Variants in HPSE2 observed in about 807,000 individuals in gnomAD.
The protein encoded by HPSE2 is inactive heparanase-2.
In HPSE2, 38 loss-of-function variants were observed where a neutral mutation model predicts 60.5. The ratio of observed to expected loss-of-function variants is 0.63; its 90% CI spans 0.48 to 0.82. The LOEUF is 0.82. Ranked by LOEUF, HPSE2 falls within the 40% of genes least tolerant of loss-of-function variation. The pLI, the probability that HPSE2 is intolerant of heterozygous loss-of-function variation, is 0.00. For missense variants in HPSE2, 713 were observed against 740.4 expected, an observed-to-expected ratio of 0.96 and a Z score of 0.43; for synonymous variants, 295 against 293.2, an observed-to-expected ratio of 1.01 and a Z score of -0.06.
intron 3 of HPSE2, among the ~76,000 whole-genome samples, chr10:99,078,065 C>A (rs572738760): frequency 6.6e-6 from 1 of 152,176 alleles, no homozygotes; most frequent in Non-Finnish European, 1.5e-5. Flanking sequence ...GCTCCCCTAT[C>A]ACCTTCCACC....
chr10:98,482,553 G>T (rs550499424), intron 11 of HPSE2, 83 bp downstream of exon 11: 2 of 1,548,750 alleles, frequency 1.3e-6, no homozygotes, highest in East Asian at 4.5e-5. Context: ...GAGAGAATTA[G>T]CAGCAACCTT....
intron 3 of HPSE2, among the ~76,000 whole-genome samples, chr10:98,747,236 A>G (rs1949651419): frequency 6.6e-6 from 1 of 152,188 alleles, no homozygotes; most frequent in East Asian, 1.9e-4. Context: ...TAAGCATGCA[A>G]TAAAATTACT....
At chr10:98,955,377 T>C (rs11189906) in intron 3 of HPSE2, among the ~76,000 whole-genome samples, 73,050 of 151,956 alleles carry the variant, frequency 0.48, 19,651 homozygotes, top group East Asian at 0.62. Context: ...TCAGTGATCA[T>C]TAGAGAAATG....
intron 3 of HPSE2, among the ~76,000 whole-genome samples, chr10:98,957,879 C>T (rs1044824324): frequency 6.6e-6 from 1 of 152,140 alleles, no homozygotes; most frequent in Admixed American, 6.6e-5. Context: ...CCAGAAAAGG[C>T]TCTCTTAACC....
intron 7 of HPSE2, among the ~76,000 whole-genome samples, chr10:98,621,835 C>T (rs574296213): frequency 3.9e-5 from 6 of 152,352 alleles, no homozygotes; most frequent in Middle Eastern, 3.4e-3. Context: ...TGAGGTACTA[C>T]GTAGTACACT....
intron 4 of HPSE2, among the ~76,000 whole-genome samples, chr10:98,723,283 T>G (rs1033818711): frequency 2.6e-5 from 4 of 152,222 alleles, no homozygotes; most frequent in African/African-American, 7.2e-5. Flanking sequence ...TTTTTGTATG[T>G]TGAACCAGCG....
intron 3 of HPSE2, among the ~76,000 whole-genome samples, chr10:98,919,586 T>C (rs1954222598): frequency 6.6e-6 from 1 of 152,148 alleles, no homozygotes; most frequent in African/African-American, 2.4e-5. Flanking sequence ...ACATTTTAAA[T>C]ATATTCAAGA....
Position 98,546,504 on chromosome 10 carries a change from C to T in HPSE2, c.1321-56308G>A, listed in dbSNP as rs1313995215. Among the ~76,000 whole-genome samples the T allele has an allele frequency of 5.7e-3, 857 of 150,588 alleles. 4 individuals are homozygous for T. The highest frequency in any genetic ancestry group is 0.02 in the African/African-American group (810 of 40,464). ...GAGCCCTCAGAAATAACGCCGCATA[C>T]CTACAACTATCTGATCTTTGACAAA... On this transcript the variant is annotated intron_variant, in intron 9 of 11. Transcript: ENST00000370552.
intron 11 of HPSE2, among the ~76,000 whole-genome samples, chr10:98,476,635 C>G (rs2133625568): frequency 6.6e-6 from 1 of 151,918 alleles, no homozygotes; most frequent in South Asian, 2.1e-4. Flanking sequence ...ACTAAAAATA[C>G]TAAAACTAGC....
chr10:99,158,079 C>T (rs1048387420), intron 2 of HPSE2, among the ~76,000 whole-genome samples: 5 of 139,500 alleles, frequency 3.6e-5, no homozygotes, highest in African/African-American at 1.3e-4. Context: ...GTTAGAATGG[C>T]AATCATTAAA....
At chr10:99,024,431 G>A (rs573579616) in intron 3 of HPSE2, among the ~76,000 whole-genome samples, 29 of 152,134 alleles carry the variant, frequency 1.9e-4, no homozygotes, top group African/African-American at 6.7e-4. Flanking sequence ...ATAAAATATA[G>A]CCTCAAAAGG....
intron 2 of HPSE2, among the ~76,000 whole-genome samples, chr10:99,147,162 A>G (rs1375310671): frequency 6.6e-6 from 1 of 152,220 alleles, no homozygotes; most frequent in African/African-American, 2.4e-5. Context: ...ACAAGTTCAC[A>G]AAACCTGGTC....
intron 7 of HPSE2, among the ~76,000 whole-genome samples, chr10:98,630,997 T>C (rs1437537722): frequency 6.6e-6 from 1 of 152,232 alleles, no homozygotes; most frequent in African/African-American, 2.4e-5. Flanking sequence ...TGGGCTATTC[T>C]GAGCTCAGTC....
At chr10:99,141,461 TAAGAC>T (rs1265451267) in intron 3 of HPSE2, among the ~76,000 whole-genome samples, 2 of 152,158 alleles carry the variant, frequency 1.3e-5, no homozygotes, top group Non-Finnish European at 2.9e-5. Flanking sequence ...ATGAAAACAT[TAAGAC>T]AAGTTTAAAA....
intron 5 of HPSE2, among the ~76,000 whole-genome samples, chr10:98,719,376 C>T (rs1445121503): frequency 6.6e-6 from 1 of 151,832 alleles, no homozygotes; most frequent in Non-Finnish European, 1.5e-5. Flanking sequence ...AAATACAGTG[C>T]CATGCAAGGA....
intron 9 of HPSE2, among the ~76,000 whole-genome samples, chr10:98,514,724 T>G (rs1379078935): frequency 4.1e-5 from 6 of 146,058 alleles, no homozygotes; most frequent in African/African-American, 1.5e-4. Flanking sequence ...TTTTTTTTTT[T>G]TTTTTTTTTT....
chr10:98,634,438 G>C (rs1221632460), intron 7 of HPSE2, among the ~76,000 whole-genome samples: 1 of 152,140 alleles, frequency 6.6e-6, no homozygotes, highest in Non-Finnish European at 1.5e-5. Context: ...TTCTCCATTA[G>C]AGAAGACTAA....
intron 2 of HPSE2, among the ~76,000 whole-genome samples, chr10:99,212,284 A>C (rs1848978031): frequency 6.6e-6 from 1 of 152,118 alleles, no homozygotes; most frequent in African/African-American, 2.4e-5. Flanking sequence ...CAAGAAACTA[A>C]AAATCCAGCA....
chr10:99,050,109 A>T (rs569143520), intron 3 of HPSE2, among the ~76,000 whole-genome samples: 7 of 152,170 alleles, frequency 4.6e-5, no homozygotes, highest in Non-Finnish European at 8.8e-5. Context: ...GACCAGCCTG[A>T]GCAACATAGT....
Sources: allele counts gnomAD v4.1 joint callset (sites outside exome capture counted in the v4.1 genomes callset), GRCh38; gene constraint gnomAD v4.1.1; transcripts MANE v1.5; gene names NCBI Gene and HGNC (gene_info 2026-07-23, HGNC 2026-07-21).